SLC27A4: variants seen among roughly 807,000 people sequenced by gnomAD.
The protein encoded by SLC27A4 is long-chain fatty acid transport protein 4.
A neutral mutation model predicts 64.4 loss-of-function variants in SLC27A4; 33 were observed. The ratio of observed to expected loss-of-function variants is 0.51; its 90% confidence interval spans 0.39 to 0.68. The LOEUF is 0.68. SLC27A4 is among the 30% of genes least tolerant of loss of function. The pLI, the probability that SLC27A4 is intolerant of heterozygous loss-of-function variation, is 0.00. For missense variants in SLC27A4, 824 were observed against 883.5 expected (o/e 0.93, Z 0.85); for synonymous variants, 377 against 370.0 (o/e 1.02, Z -0.22).
Position 128,355,632 on chromosome 9 carries a change from C to T in SLC27A4, c.1628-18C>T, listed in dbSNP as rs373524786. The T allele has an allele frequency of 7.5e-6, 12 of 1,608,682 alleles. No individual in the cohort carries two copies. Among genetic ancestry groups the T allele is most frequent in the Non-Finnish European group, 1.0e-5 (12 of 1,180,014 alleles). ...AGGGGCACCACCAGCTACTCAGTGT[C>T]TACCCTGCCACCCCCAGGAACCGAG... On this transcript the variant is annotated intron_variant, in intron 11 of 12. Transcript: ENST00000300456.
Position 128,353,599 on chromosome 9 carries a change from C to G in SLC27A4, c.1324+58C>G, listed in dbSNP as rs957273055. 6.3e-7 allele frequency: 1 copy of G among 1,588,454 alleles called. No homozygotes were observed. Among genetic ancestry groups the G allele is most frequent in the African/African-American group, 1.3e-5 (1 of 74,452 alleles). The stretch of plus-strand genomic sequence containing the variant: ...TGGCCTGGGAAGGAAGGAGGCCAGG[C>G]GCGTGTGGATGGGGAGCCTTGTTCT... On this transcript the variant is annotated intron_variant, in intron 9 of 12. Coordinates refer to ENST00000300456, the MANE Select transcript of SLC27A4 (RefSeq NM_005094.4). This position sits in a 1 kb window ranked among gnomAD's most constrained non-coding sequence, Gnocchi z 4.9.
intron 12 of SLC27A4, 51 bp downstream of exon 12, chr9:128,355,847 C>T (rs777837050): frequency 6.2e-7 from 1 of 1,607,644 alleles, no homozygotes; most frequent in Non-Finnish European, 8.5e-7. Flanking sequence ...CTTCCCGTTT[C>T]CTTCTGGAGA....
rs550881707 is a variant in SLC27A4 at position 128,345,517 on chromosome 9, G to T, written c.524G>T (p.Arg175Leu). 1.2e-6 allele frequency: 2 copies of T among 1,608,958 alleles called. No homozygotes were observed. Among genetic ancestry groups the T allele is most frequent in the Non-Finnish European group, 1.7e-6 (2 of 1,178,424 alleles). The stretch of plus-strand genomic sequence containing the variant: ...CACTGCCTCACCACCTCGCGCGCAC[G>T]GGCCCTTGTCTTTGGCAGCGAAATG... ...LLHCLTTSRA[R>L]ALVFGSEMAS... The change falls in exon 3 of 13, where the codon CGG becomes CTG. Residue 175 changes from arginine to leucine, a missense_variant. Physicochemically the swap from Arg to Leu is moderately radical, Grantham distance 102. Transcript: ENST00000300456. This position sits in a 1 kb window ranked among gnomAD's most constrained non-coding sequence, Gnocchi z 4.1.
Position 128,342,910 on chromosome 9 carries a change from A to G in SLC27A4, c.-6-217A>G, listed in dbSNP as rs1159824767. On this transcript the variant is annotated intron_variant, in intron 1 of 12. Coordinates refer to ENST00000300456, the MANE Select transcript of SLC27A4 (RefSeq NM_005094.4). Reference sequence around the variant, plus strand: ...GACGAGAACCAGCCTCCTGCTTCTCACTCTTGGAATTCCTCACCTCAAGTG... The same window carrying G: ...GACGAGAACCAGCCTCCTGCTTCTCGCTCTTGGAATTCCTCACCTCAAGTG... 5 of 599,458 alleles carry G rather than the reference A, an allele frequency of 8.3e-6. No homozygotes were observed. In the Admixed American group the frequency reaches 1.2e-4, roughly 14 times the overall value. The allele number at this position is 599,458 out of a possible 1,614,324, so 37.1% of individuals were successfully genotyped here.
At chr9:128,340,924 G>T in intron 1 of SLC27A4, 86 bp downstream of exon 1, 1 of 494,884 alleles carries the variant, frequency 2.0e-6, no homozygotes, top group South Asian at 2.6e-5. Context: ...ACCCCAGGTG[G>T]GGGGCGCGCC....
At position 128,355,736 on chromosome 9, in the gene SLC27A4, G is replaced by A. The variant is rs1832810546; in HGVS notation, c.1714G>A (p.Glu572Lys). Residue 572 changes from glutamate to lysine, a missense_variant, in exon 12 of 13, where the codon GAA becomes AAA. Transcript: ENST00000300456. ...LERFAQVLEK[E>K]LPLYARPIFL... ...GCGCTTTGCTCAGGTCTTGGAGAAG[G>A]AACTGCCCCTGTATGCGCGCCCCAT... is the stretch of plus-strand genomic sequence containing the variant. The A allele has an allele frequency of 3.1e-6, 5 of 1,613,666 alleles. No individual in the cohort carries two copies. The South Asian group carries it at 5.5e-5, about 18-fold the overall frequency.
intron 6 of SLC27A4, 89 bp downstream of exon 6, chr9:128,350,664 C>T: frequency 9.3e-7 from 1 of 1,073,804 alleles, no homozygotes; most frequent in Non-Finnish European, 1.4e-6. Flanking sequence ...AGTAGAAACA[C>T]ACAGCTTTGG....
At chr9:128,343,553 A>G (rs968960697) in intron 2 of SLC27A4, among the ~76,000 whole-genome samples, 1 of 152,196 alleles carries the variant, frequency 6.6e-6, no homozygotes, top group Non-Finnish European at 1.5e-5. Context: ...TAGGACGTAC[A>G]TTGAACACCA....
At chr9:128,359,269 G>A (rs998502578) in intron 12 of SLC27A4, among the ~76,000 whole-genome samples, 1 of 151,960 alleles carries the variant, frequency 6.6e-6, no homozygotes, top group Non-Finnish European at 1.5e-5. Context: ...CAGGTAGCTC[G>A]CTTGAGCCCA....
chr9:128,354,807 G>A (rs1243421592), intron 9 of SLC27A4, among the ~76,000 whole-genome samples: 1 of 151,602 alleles, frequency 6.6e-6, no homozygotes, highest in Non-Finnish European at 1.5e-5. Context: ...AAAAAAATTA[G>A]CTGGGCCTGT....
At chr9:128,346,391 G>A (rs1243205250) in intron 3 of SLC27A4, among the ~76,000 whole-genome samples, 3 of 151,388 alleles carry the variant, frequency 2.0e-5, no homozygotes, top group African/African-American at 7.3e-5. Flanking sequence ...CCGCCACCAC[G>A]CCCAGCTAAT....
chr9:128,355,578 C>T lies in SLC27A4; in HGVS notation c.1627+16C>T, dbSNP rs781055800. On this transcript the variant is annotated intron_variant, in intron 11 of 12. Coordinates refer to ENST00000300456, the MANE Select transcript of SLC27A4 (RefSeq NM_005094.4). ...GAGGTGCCAGGTATGTGCAGGCAGGCGCGAGGTGTGGGTAGGGAGGCACCA... is the reference window on the plus strand; with the variant it reads ...GAGGTGCCAGGTATGTGCAGGCAGGTGCGAGGTGTGGGTAGGGAGGCACCA... 16 of 1,608,122 alleles carry T rather than the reference C, an allele frequency of 9.9e-6. No homozygotes were observed. The highest frequency in any genetic ancestry group is 1.6e-4 in the Middle Eastern group (1 of 6,084).
At chr9:128,349,683 G>C (rs527424982) in intron 4 of SLC27A4, among the ~76,000 whole-genome samples, 6 of 152,274 alleles carry the variant, frequency 3.9e-5, no homozygotes, top group East Asian at 3.9e-4. Flanking sequence ...TTCTAAACAC[G>C]TGGAGTCTGC....
intron 6 of SLC27A4, among the ~76,000 whole-genome samples, chr9:128,351,620 G>GGCAGGAGAATGGTTTGAAC: frequency 6.6e-6 from 1 of 151,982 alleles, no homozygotes. Flanking sequence ...AGGAGGCTGA[G>GGCAGGAGAATGGTTTGAAC]GCAGGAGAAT....
Position 128,345,075 on chromosome 9 carries a change from G to C in SLC27A4, c.162-80G>C. The C allele has an allele frequency of 2.5e-6, 4 of 1,573,232 alleles. No individual in the cohort carries two copies. In the South Asian group the frequency reaches 3.4e-5, roughly 13 times the overall value. ...TGGCTCATGAAGCATAGGCTGGCGA[G>C]GCAGCAGCCTGGGGTAGGGTGTCAG... On this transcript the variant is annotated intron_variant, in intron 2 of 12. Coordinates refer to ENST00000300456, the MANE Select transcript of SLC27A4 (RefSeq NM_005094.4). This position sits in a 1 kb window ranked among gnomAD's most constrained non-coding sequence, Gnocchi z 4.1.
At position 128,345,691 on chromosome 9, in the gene SLC27A4, A is replaced by G; in HGVS notation, c.556+142A>G. The G allele has an allele frequency of 1.0e-6, 1 of 975,418 alleles. No individual in the cohort carries two copies. The highest frequency in any genetic ancestry group is 1.5e-6 in the Non-Finnish European group (1 of 681,084). The allele number at this position is 975,418 out of a possible 1,614,324, so 60.4% of individuals were successfully genotyped here. ...GTCAGACAGCTTAGGCAGTGCCACG[A>G]GTAAACGAGATCCTGGGGAAGGGAC... is the stretch of plus-strand genomic sequence containing the variant. On this transcript the variant is annotated intron_variant, in intron 3 of 12. Transcript: ENST00000300456. The surrounding 1 kb of genome is among the most constrained non-coding windows in gnomAD (Gnocchi z 4.1).
At chr9:128,344,338 C>G (rs1832621292) in intron 2 of SLC27A4, among the ~76,000 whole-genome samples, 1 of 151,992 alleles carries the variant, frequency 6.6e-6, no homozygotes, top group Non-Finnish European at 1.5e-5. Flanking sequence ...GGCAACATGG[C>G]AAAACCCCGT....
intron 6 of SLC27A4, among the ~76,000 whole-genome samples, chr9:128,351,257 C>G (rs1776910840): frequency 6.9e-6 from 1 of 144,338 alleles, no homozygotes; most frequent in Non-Finnish European, 1.5e-5. Flanking sequence ...GAGCGAGACA[C>G]TGTCTCAAAA....
Position 128,345,772 on chromosome 9 carries a change from A to G in SLC27A4, c.556+223A>G, listed in dbSNP as rs945544748. ...GTCGTTCCTACCTCATACTGTTTTC[A>G]AAAAGGTACTTCAGACTGGGCATAG... On this transcript the variant is annotated intron_variant, in intron 3 of 12. Coordinates refer to ENST00000300456, the MANE Select transcript of SLC27A4 (RefSeq NM_005094.4). This position sits in a 1 kb window ranked among gnomAD's most constrained non-coding sequence, Gnocchi z 4.1. Among the ~76,000 whole-genome samples, 6 of 152,200 alleles carry G rather than the reference A, an allele frequency of 3.9e-5. No homozygotes were observed. The highest frequency in any genetic ancestry group is 1.4e-4 in the African/African-American group (6 of 41,446).
Sources: allele counts gnomAD v4.1 joint callset (sites outside exome capture counted in the v4.1 genomes callset), GRCh38; gene constraint gnomAD v4.1.1; non-coding constraint Gnocchi (gnomAD v3.1); transcripts MANE v1.5; gene names NCBI Gene and HGNC (gene_info 2026-07-23, HGNC 2026-07-21).